Variants in CELF2 observed in about 807,000 individuals in gnomAD.
CELF2 encodes the protein CUG triplet repeat RNA-binding protein 2.
A neutral mutation model predicts 62.6 loss-of-function variants in CELF2; 8 were observed. The observed-to-expected ratio is 0.13, with a 90% confidence interval of 0.07 to 0.23. The LOEUF (loss-of-function observed/expected upper bound fraction) is 0.23, where lower values mean the gene tolerates loss of function less well. CELF2 is among the 10% of genes least tolerant of loss of function. The pLI is 1.00. For synonymous variants in CELF2, 258 were observed against 250.0 expected (o/e 1.03, Z -0.30); for missense variants, 333 against 671.0 (o/e 0.50, Z 5.56).
intron 1 of CELF2, among the ~76,000 whole-genome samples, chr10:10,857,253 G>T (rs1437270033): frequency 6.6e-6 from 1 of 152,076 alleles, no homozygotes; most frequent in Non-Finnish European, 1.5e-5. Flanking sequence ...AACAACCAGG[G>T]ATTCTATAAG....
Position 11,258,077 on chromosome 10 carries a change from A to G in CELF2, c.538+205A>G, listed in dbSNP as rs1256723747. On this transcript the variant is annotated intron_variant, in intron 5 of 12. Coordinates refer to ENST00000633077, the MANE Select transcript of CELF2 (RefSeq NM_001326342.2). ...GTTCAGAAGGCCTTGGTGCCACCATATTAGCTCAAGTTATCACTGTCAGGT... is the reference window on the plus strand; with the variant it reads ...GTTCAGAAGGCCTTGGTGCCACCATGTTAGCTCAAGTTATCACTGTCAGGT... Among the ~76,000 whole-genome samples the G allele has an allele frequency of 2.0e-5, 3 of 152,212 alleles. No individual in the cohort carries two copies. The East Asian group carries it at 5.8e-4, about 29-fold the overall frequency.
chr10:11,092,392 G>A (rs771013778), intron 1 of CELF2: 1 of 152,132 alleles, frequency 6.6e-6, no homozygotes, highest in Non-Finnish European at 1.5e-5. Flanking sequence ...CCTTATTCCA[G>A]GCACTGTAGG....
At chr10:10,653,447 A>T in the CELF2 span, among the ~76,000 whole-genome samples, 1 of 147,448 alleles carries the variant, frequency 6.8e-6, no homozygotes, top group Non-Finnish European at 1.5e-5. Context: ...CCTATTCCAA[A>T]ATTGACCACA....
At chr10:11,078,239 C>A (rs917207858) in intron 1 of CELF2, among the ~76,000 whole-genome samples, 3 of 151,484 alleles carry the variant, frequency 2.0e-5, no homozygotes, top group Non-Finnish European at 4.4e-5. Flanking sequence ...TTGTATTATC[C>A]TAAAGGAAGT....
At chr10:10,686,315 G>GT in the CELF2 span, among the ~76,000 whole-genome samples, 1 of 67,454 alleles carries the variant, frequency 1.5e-5, no homozygotes, top group African/African-American at 5.9e-5. Flanking sequence ...TTTTTTGGGG[G>GT]GGGGGGTGGG....
intron 9 of CELF2, among the ~76,000 whole-genome samples, chr10:11,299,372 GC>G (rs199838971): frequency 0.038 from 5,769 of 152,282 alleles, 118 homozygotes; most frequent in African/African-American, 0.055. Flanking sequence ...GTGACCTCTT[GC>G]CCCCTGCTAC....
the CELF2 span, among the ~76,000 whole-genome samples, chr10:10,653,630 C>T: frequency 5.8e-5 from 8 of 137,850 alleles, no homozygotes; most frequent in East Asian, 4.0e-4. Flanking sequence ...GGGTACATAA[C>T]GAAATGAAGG....
intron 1 of CELF2, among the ~76,000 whole-genome samples, chr10:10,872,626 G>A (rs762762205): frequency 1.3e-5 from 2 of 151,514 alleles, no homozygotes; most frequent in African/African-American, 2.4e-5. Context: ...CGACTCTAAT[G>A]TAAACATGTA....
At chr10:11,192,920 C>T (rs527841779) in intron 2 of CELF2, among the ~76,000 whole-genome samples, 86 of 152,308 alleles carry the variant, frequency 5.6e-4, no homozygotes, top group African/African-American at 1.9e-3. Flanking sequence ...CCAAGCTGGA[C>T]GTTGCGAGAG....
chr10:10,740,960 G>T, the CELF2 span, among the ~76,000 whole-genome samples: 1 of 152,124 alleles, frequency 6.6e-6, no homozygotes, highest in African/African-American at 2.4e-5. Flanking sequence ...TGGTCACAAG[G>T]TACAAATGTT....
the CELF2 span, among the ~76,000 whole-genome samples, chr10:10,758,998 AT>A: frequency 1.3e-5 from 2 of 152,172 alleles, no homozygotes; most frequent in African/African-American, 4.8e-5. Flanking sequence ...AGTCCTCTCA[AT>A]TTTTTTAACC....
At chr10:10,967,176 C>A (rs1393348961) in intron 2 of CELF2, among the ~76,000 whole-genome samples, 3 of 152,120 alleles carry the variant, frequency 2.0e-5, no homozygotes, top group Non-Finnish European at 2.9e-5. Context: ...GGGAGGGAGG[C>A]ACAGAGACAG....
rs1023539428 is a variant in CELF2 at position 11,046,346 on chromosome 10, G to T, written c.74+28183G>T. On this transcript the variant is annotated intron_variant, in intron 1 of 12. Coordinates refer to ENST00000633077, the MANE Select transcript of CELF2 (RefSeq NM_001326342.2). This position sits in a 1 kb window ranked among gnomAD's most constrained non-coding sequence, Gnocchi z 4.6. ...AGAAAATCACAGATTGCCAACTGCT[G>T]CTGGATGCAATTTGGATCTCCCTAG... Among the ~76,000 whole-genome samples the T allele has an allele frequency of 2.4e-4, 37 of 152,336 alleles. No homozygotes were observed. The highest frequency in any genetic ancestry group is 3.4e-3 in the Middle Eastern group (1 of 294).
At chr10:10,882,824 G>C (rs867999568) in intron 1 of CELF2, among the ~76,000 whole-genome samples, 2 of 152,024 alleles carry the variant, frequency 1.3e-5, no homozygotes, top group Non-Finnish European at 2.9e-5. Context: ...ATCAAGTTCT[G>C]GGTGCACTGC....
the CELF2 span, among the ~76,000 whole-genome samples, chr10:10,532,663 T>C: frequency 1.1e-4 from 16 of 152,164 alleles, no homozygotes; most frequent in African/African-American, 3.9e-4. Flanking sequence ...CTAAGGTCAG[T>C]CTTAGATATC....
chr10:11,274,313 G>C (rs548655586), intron 7 of CELF2, among the ~76,000 whole-genome samples: 2 of 152,300 alleles, frequency 1.3e-5, no homozygotes, highest in South Asian at 4.1e-4. Flanking sequence ...CACCCCAGGG[G>C]CTCCATGCCT....
chr10:10,723,601 T>A, the CELF2 span, among the ~76,000 whole-genome samples: 2 of 152,168 alleles, frequency 1.3e-5, no homozygotes, highest in Non-Finnish European at 2.9e-5. Flanking sequence ...GTGTACACAG[T>A]TCCTCATTTT....
intron 1 of CELF2, among the ~76,000 whole-genome samples, chr10:10,815,886 T>C (rs1590723999): frequency 6.9e-6 from 1 of 144,034 alleles, no homozygotes; most frequent in East Asian, 2.1e-4. Context: ...CTATATTTCA[T>C]AGCTTGGGGT....
intron 2 of CELF2, among the ~76,000 whole-genome samples, chr10:10,954,221 T>TTAG (rs1491560488): frequency 3.3e-5 from 1 of 30,314 alleles, no homozygotes; most frequent in Non-Finnish European, 8.6e-5. Context: ...TTTATTATTA[T>TTAG]TATTATTATT....
Sources: gnomAD v4.1 joint callset for allele counts (sites outside exome capture counted in the v4.1 genomes callset) on GRCh38, gnomAD v4.1.1 for gene constraint, Gnocchi (gnomAD v3.1) non-coding constraint, MANE v1.5 for transcripts, NCBI Gene and HGNC (gene_info 2026-07-23, HGNC 2026-07-21) for gene names.